The following UGT1A8 variants were observed in gnomAD, a reference collection of about 807,000 sequenced individuals.
The protein encoded by UGT1A8 is UDP glucuronosyltransferase family 1 member A8, also known as UDP-glucuronosyltransferase 1A8.
UGT1A8 carries 39 observed loss-of-function variants against 45.3 expected under a neutral mutation model. The observed-to-expected ratio is 0.86, with a 90% CI of 0.67 to 1.12. UGT1A8 has a LOEUF of 1.12. Among genes scored for constraint, UGT1A8 ranks in the 50% most tolerant of loss-of-function variants. The pLI, the probability that UGT1A8 is intolerant of heterozygous loss-of-function variation, is 0.00. For synonymous variants in UGT1A8, 275 were observed against 249.2 expected, an observed-to-expected ratio of 1.10 and a Z score of -0.97; for missense variants, 719 against 664.9, an observed-to-expected ratio of 1.08 and a Z score of -0.90.
At chr2:233,704,941 G>C (rs188324703) in intron 1 of UGT1A8, among the ~76,000 whole-genome samples, 1 of 152,254 alleles carries the variant, frequency 6.6e-6, no homozygotes, top group East Asian at 1.9e-4. Context: ...ATCAAGACCA[G>C]CCTGGCCAAC....
intron 1 of UGT1A8, chr2:233,755,391 C>A: frequency 2.9e-6 from 1 of 343,030 alleles, no homozygotes; most frequent in Non-Finnish European, 5.7e-6. Context: ...TATGACGCAG[C>A]CACATCTCAT....
intron 1 of UGT1A8, chr2:233,681,879 A>C: frequency 6.5e-7 from 1 of 1,550,086 alleles, no homozygotes; most frequent in Non-Finnish European, 8.7e-7. Flanking sequence ...TACTTCTTCC[A>C]CTTACTATAT....
chr2:233,742,206 C>T (rs2125841703), intron 1 of UGT1A8, among the ~76,000 whole-genome samples: 1 of 152,086 alleles, frequency 6.6e-6, no homozygotes, highest in African/African-American at 2.4e-5. Context: ...AGGGGACTCA[C>T]AGCCTTCAGG....
intron 1 of UGT1A8, among the ~76,000 whole-genome samples, chr2:233,748,560 A>G (rs1345265737): frequency 1.3e-5 from 2 of 151,814 alleles, no homozygotes; most frequent in Admixed American, 1.3e-4. Context: ...CACTCGCAGG[A>G]AGTAGAAGTG....
intron 1 of UGT1A8, among the ~76,000 whole-genome samples, chr2:233,671,162 A>C (rs1475939426): frequency 1.3e-5 from 2 of 152,294 alleles, no homozygotes; most frequent in African/African-American, 4.8e-5. Flanking sequence ...AGGGCACTGG[A>C]GTGATGGCGT....
chr2:233,772,878 G>A lies in UGT1A8; in HGVS notation c.*319G>A. ...GAAACATGGCCTGTTTGGGAGTGCG[G>A]GATTCAAAGGTGGTCCCACGGCTGC... is the stretch of plus-strand genomic sequence containing the variant. On this transcript the variant is annotated 3_prime_UTR_variant, in exon 5 of 5. Coordinates refer to ENST00000373450, the MANE Select transcript of UGT1A8 (RefSeq NM_019076.5). 1 of 577,674 alleles carries A rather than the reference G, an allele frequency of 1.7e-6. No individual in the cohort carries two copies. 35.8% of individuals were successfully genotyped at this position (577,674 alleles called of 1,614,324 possible). A position where few individuals can be genotyped will look rare whatever the true frequency, so the allele number is the denominator to read the frequency against.
intron 1 of UGT1A8, chr2:233,690,423 C>A: frequency 1.6e-6 from 2 of 1,228,812 alleles, no homozygotes; most frequent in Middle Eastern, 2.2e-4. Context: ...TACCTTCATG[C>A]ACATCTTTGG....
At chr2:233,754,276 G>C (rs906718442) in intron 1 of UGT1A8, 1 of 190,364 alleles carries the variant, frequency 5.3e-6, no homozygotes, top group Non-Finnish European at 1.1e-5. Context: ...AAAGTGCTGA[G>C]ATGAACATTC....
At chr2:233,706,053 C>G (rs1254289115) in intron 1 of UGT1A8, among the ~76,000 whole-genome samples, 3 of 152,144 alleles carry the variant, frequency 2.0e-5, no homozygotes, top group Non-Finnish European at 4.4e-5. Flanking sequence ...CGAGATCACG[C>G]CACTGCATGC....
chr2:233,730,167 A>T (rs999058879), intron 1 of UGT1A8, among the ~76,000 whole-genome samples: 1 of 152,206 alleles, frequency 6.6e-6, no homozygotes, highest in African/African-American at 2.4e-5. Flanking sequence ...CTAGTAGCGT[A>T]TTTCAGGTTT....
At chr2:233,706,177 GTC>G (rs1466872999) in intron 1 of UGT1A8, among the ~76,000 whole-genome samples, 2 of 152,312 alleles carry the variant, frequency 1.3e-5, no homozygotes, top group East Asian at 3.9e-4. Context: ...AATGTGGTGT[GTC>G]TGCCCAGGCT....
intron 1 of UGT1A8, among the ~76,000 whole-genome samples, chr2:233,634,039 T>G (rs543828078): frequency 6.6e-4 from 100 of 152,352 alleles, no homozygotes; most frequent in Non-Finnish European, 1.2e-3. Flanking sequence ...AAAGAACTTA[T>G]TTATTTCTGC....
At chr2:233,663,604 C>G (rs1404216817) in intron 1 of UGT1A8, among the ~76,000 whole-genome samples, 1 of 152,150 alleles carries the variant, frequency 6.6e-6, no homozygotes, top group African/African-American at 2.4e-5. Context: ...ACCATAATTT[C>G]TAATCTTGTG....
At position 233,769,774 on chromosome 2, in the gene UGT1A8, G is replaced by C; in HGVS notation, c.1295+1335G>C. The C allele has an allele frequency of 7.3e-7, 1 of 1,375,358 alleles. No homozygotes were observed. Among genetic ancestry groups the C allele is most frequent in the Non-Finnish European group, 9.5e-7 (1 of 1,052,824 alleles). 85.2% of individuals were successfully genotyped at this position (1,375,358 alleles called of 1,614,324 possible). ...GGAGGCTAAGGCGGGAGGATTGCTT[G>C]AGCCCAGAAGTTGGAGGCTGCTATG... On this transcript the variant is annotated intron_variant, in intron 4 of 4. Transcript: ENST00000373450. This position sits in a 1 kb window ranked among gnomAD's most constrained non-coding sequence, Gnocchi z 4.4.
At position 233,664,273 on chromosome 2, in the gene UGT1A8, T is replaced by C. The variant is rs538874082; in HGVS notation, c.855+45711T>C. Among the ~76,000 whole-genome samples, 18 of 152,316 alleles carry C rather than the reference T, an allele frequency of 1.2e-4. No homozygotes were observed. In the South Asian group the frequency reaches 3.7e-3, roughly 32 times the overall value. On this transcript the variant is annotated intron_variant, in intron 1 of 4. Coordinates refer to ENST00000373450, the MANE Select transcript of UGT1A8 (RefSeq NM_019076.5). Reference sequence around the variant, plus strand: ...CCAAGCTTTCCTTCATCTTCCTGTCTTCTTCTGAGCCCTCCAAACTCTTCA... The same window carrying C: ...CCAAGCTTTCCTTCATCTTCCTGTCCTCTTCTGAGCCCTCCAAACTCTTCA...
At chr2:233,732,602 G>T (rs1447005275) in intron 1 of UGT1A8, among the ~76,000 whole-genome samples, 1 of 152,210 alleles carries the variant, frequency 6.6e-6, no homozygotes, top group Non-Finnish European at 1.5e-5. Flanking sequence ...GTTTGTCAAA[G>T]ATCAAATGGT....
At chr2:233,756,974 T>C (rs1036999646) in intron 1 of UGT1A8, among the ~76,000 whole-genome samples, 2 of 151,942 alleles carry the variant, frequency 1.3e-5, no homozygotes, top group South Asian at 2.1e-4. Context: ...AAGCACGCAA[T>C]GAACAGTCAT....
chr2:233,749,837 G>A (rs1453014378), intron 1 of UGT1A8, among the ~76,000 whole-genome samples: 4 of 151,982 alleles, frequency 2.6e-5, no homozygotes, highest in East Asian at 1.9e-4. Flanking sequence ...CATGTAAGAC[G>A]TGTCTTTGCC....
At chr2:233,734,492 T>A (rs983580734) in intron 1 of UGT1A8, among the ~76,000 whole-genome samples, 3 of 151,188 alleles carry the variant, frequency 2.0e-5, no homozygotes, top group Non-Finnish European at 4.5e-5. Flanking sequence ...TTTTTGAAGG[T>A]TTTTTTGTGT....
Sources: gnomAD v4.1 joint callset for allele counts (sites outside exome capture counted in the v4.1 genomes callset) on GRCh38, gnomAD v4.1.1 for gene constraint, Gnocchi (gnomAD v3.1) non-coding constraint, MANE v1.5 for transcripts, NCBI Gene and HGNC (gene_info 2026-07-23, HGNC 2026-07-21) for gene names.